WNT2: variants seen among roughly 807,000 people sequenced by gnomAD.
WNT2 encodes the protein Wnt family member 2, also known as protein Wnt-2.
A neutral mutation model predicts 36.9 loss-of-function variants in WNT2; 12 were observed. The observed-to-expected ratio is 0.33, with a 90% CI of 0.21 to 0.53. The LOEUF (loss-of-function observed/expected upper bound fraction) is 0.53, where lower values mean the gene tolerates loss of function less well. Among genes scored for constraint, WNT2 ranks in the 20% least tolerant of loss-of-function variants. The pLI is 0.95. For synonymous variants in WNT2, 163 were observed against 174.6 expected, an observed-to-expected ratio of 0.93 and a Z score of 0.52; for missense variants, 379 against 473.1, an observed-to-expected ratio of 0.80 and a Z score of 1.84.
intron 4 of WNT2, among the ~76,000 whole-genome samples, chr7:117,289,309 C>T (rs935651342): frequency 3.3e-5 from 5 of 152,112 alleles, no homozygotes; most frequent in Non-Finnish European, 5.9e-5. Flanking sequence ...CCTCCTGCCT[C>T]GGCCTCCCAA....
chr7:117,291,222 G>T (rs1382245949), intron 4 of WNT2, among the ~76,000 whole-genome samples: 2 of 152,214 alleles, frequency 1.3e-5, no homozygotes, highest in African/African-American at 2.4e-5. Flanking sequence ...TGTCAACCAG[G>T]CTTTTGGGTT....
intron 4 of WNT2, among the ~76,000 whole-genome samples, chr7:117,294,292 GCATCTCATA>G (rs1278891169): frequency 2.0e-5 from 3 of 152,136 alleles, no homozygotes; most frequent in African/African-American, 4.8e-5. Flanking sequence ...GATAAAACTT[GCATCTCATA>G]CATCTCATAC....
chr7:117,290,761 G>A (rs1371717801), intron 4 of WNT2, among the ~76,000 whole-genome samples: 1 of 152,224 alleles, frequency 6.6e-6, no homozygotes, highest in African/African-American at 2.4e-5. Flanking sequence ...ACTGCTTCAA[G>A]GACCATGAAG....
chr7:117,292,293 T>A (rs890133438), intron 4 of WNT2, among the ~76,000 whole-genome samples: 6 of 146,950 alleles, frequency 4.1e-5, no homozygotes, highest in African/African-American at 1.2e-4. Context: ...CCAACCACAC[T>A]CACACACACA....
intron 4 of WNT2, among the ~76,000 whole-genome samples, chr7:117,289,051 CTTTTTTTT>C (rs1187027317): frequency 2.2e-5 from 2 of 89,440 alleles, no homozygotes; most frequent in African/African-American, 9.6e-5. Flanking sequence ...TCACGTTAGA[CTTTTTTTT>C]TTTTTTTTTT....
chr7:117,311,114 A>G (rs1355000498), intron 3 of WNT2, among the ~76,000 whole-genome samples: 1 of 152,214 alleles, frequency 6.6e-6, no homozygotes, highest in Non-Finnish European at 1.5e-5. Flanking sequence ...GTTTGTTGAA[A>G]TTCTGCGAAT....
chr7:117,317,340 G>A (rs2116390457), intron 2 of WNT2, among the ~76,000 whole-genome samples: 1 of 152,246 alleles, frequency 6.6e-6, no homozygotes, highest in African/African-American at 2.4e-5. Context: ...ATCACAATCT[G>A]CTTCATTTCA....
chr7:117,320,772 G>C lies in WNT2; in HGVS notation c.105C>G (p.Gly35=), dbSNP rs779026031. 1 of 1,611,646 alleles carries C rather than the reference G, an allele frequency of 6.2e-7. No individual in the cohort carries two copies. Among genetic ancestry groups the C allele is most frequent in the East Asian group, 2.2e-5 (1 of 44,866 alleles). ...SSWWYMRATG[G]SSRVMCDNVP... is the part of the protein sequence containing the mutation. Reference sequence around the variant, plus strand: ...CATTATCGCACATCACCCTGGAGGAGCCACCTGTAGCTCTCATGTACCTAT... The same window carrying C: ...CATTATCGCACATCACCCTGGAGGACCCACCTGTAGCTCTCATGTACCTAT... The change falls in exon 2 of 5, where the codon GGC becomes GGG. Residue 35 remains glycine, a synonymous_variant. Coordinates refer to ENST00000265441, the MANE Select transcript of WNT2 (RefSeq NM_003391.3).
At chr7:117,300,402 G>T (rs1794881462) in intron 3 of WNT2, among the ~76,000 whole-genome samples, 1 of 152,142 alleles carries the variant, frequency 6.6e-6, no homozygotes, top group South Asian at 2.1e-4. Context: ...GGCCAGGATG[G>T]TCTTGATCTC....
intron 4 of WNT2, among the ~76,000 whole-genome samples, chr7:117,289,443 G>C (rs986129626): frequency 2.0e-5 from 3 of 152,146 alleles, no homozygotes; most frequent in African/African-American, 7.2e-5. Context: ...GCCTGAATAT[G>C]AGGAAAAATT....
In WNT2 at chr7:117,322,895, G is replaced by A; in HGVS notation, c.83+12C>T. The stretch of plus-strand genomic sequence containing the variant: ...TCTCCAAAATCCCCCGCGCCCGTGC[G>A]CGTGGACTTACCACCATGAAGAGTT... On this transcript the variant is annotated intron_variant, in intron 1 of 4. Coordinates refer to ENST00000265441, the MANE Select transcript of WNT2 (RefSeq NM_003391.3). This position sits in a 1 kb window ranked among gnomAD's most constrained non-coding sequence, Gnocchi z 5.4. 6 of 1,613,172 alleles carry A rather than the reference G, an allele frequency of 3.7e-6. No homozygotes were observed. The highest frequency in any genetic ancestry group is 5.1e-6 in the Non-Finnish European group (6 of 1,179,754).
At chr7:117,302,484 C>T (rs114033552) in intron 3 of WNT2, among the ~76,000 whole-genome samples, 1,642 of 152,102 alleles carry the variant, frequency 0.011, 23 homozygotes, top group African/African-American at 0.037. Flanking sequence ...GGGAGTATAG[C>T]GATCCATCAT....
Position 117,276,195 on chromosome 7 carries a change from T to G in WNT2, c.*1960A>C, listed in dbSNP as rs923179067. On this transcript the variant is annotated 3_prime_UTR_variant, in exon 5 of 5. Transcript: ENST00000265441. ...AACTAAAGGAAGCTGAGATGTCTCCTAAGATCCTTTCCAATTTGAAACACA... is the reference window on the plus strand; with the variant it reads ...AACTAAAGGAAGCTGAGATGTCTCCGAAGATCCTTTCCAATTTGAAACACA... 8.5e-5 allele frequency among the ~76,000 whole-genome samples: 13 copies of G among 152,240 alleles called. No homozygotes were observed. The highest frequency in any genetic ancestry group is 2.9e-5 in the Non-Finnish European group (2 of 68,034).
intron 4 of WNT2, among the ~76,000 whole-genome samples, chr7:117,283,638 C>T (rs1794534004): frequency 6.6e-6 from 1 of 152,184 alleles, no homozygotes; most frequent in Admixed American, 6.5e-5. Flanking sequence ...ACTGTCTGAA[C>T]AGAAGGATTG....
At chr7:117,280,055 G>A (rs1045282002) in intron 4 of WNT2, among the ~76,000 whole-genome samples, 73 of 152,206 alleles carry the variant, frequency 4.8e-4, no homozygotes, top group African/African-American at 1.7e-3. Context: ...ACGGGGTCAA[G>A]AAGAGGAGAG....
intron 4 of WNT2, among the ~76,000 whole-genome samples, chr7:117,293,597 T>C (rs989141144): frequency 6.6e-6 from 1 of 152,188 alleles, no homozygotes; most frequent in African/African-American, 2.4e-5. Context: ...AGAAATTCTA[T>C]ATTAATTACT....
At chr7:117,283,682 A>G (rs1794534727) in intron 4 of WNT2, among the ~76,000 whole-genome samples, 1 of 152,240 alleles carries the variant, frequency 6.6e-6, no homozygotes, top group Admixed American at 6.5e-5. Flanking sequence ...ATCAGAACTC[A>G]GAGAGAGGAG....
At chr7:117,305,035 A>G (rs1794989853) in intron 3 of WNT2, among the ~76,000 whole-genome samples, 1 of 152,040 alleles carries the variant, frequency 6.6e-6, no homozygotes, top group African/African-American at 2.4e-5. Context: ...AGCTCCTACC[A>G]TCTAGCATGT....
chr7:117,296,771 A>G (rs1417704848), intron 4 of WNT2, among the ~76,000 whole-genome samples: 1 of 152,160 alleles, frequency 6.6e-6, no homozygotes, highest in African/African-American at 2.4e-5. Flanking sequence ...TCTTTGAGGG[A>G]TGGAGAAGGT....
Sources: gnomAD v4.1 joint callset for allele counts (sites outside exome capture counted in the v4.1 genomes callset) on GRCh38, gnomAD v4.1.1 for gene constraint, Gnocchi (gnomAD v3.1) non-coding constraint, MANE v1.5 for transcripts, NCBI Gene and HGNC (gene_info 2026-07-23, HGNC 2026-07-21) for gene names.